Variants in PITRM1 observed in about 807,000 individuals in gnomAD.
The protein encoded by PITRM1 is presequence protease, mitochondrial.
PITRM1 carries 100 observed loss-of-function variants against 129.9 expected under a neutral mutation model. That is an observed-to-expected ratio of 0.77 (90% confidence interval 0.65 to 0.91). The LOEUF (loss-of-function observed/expected upper bound fraction) is 0.91, where lower values mean the gene tolerates loss of function less well. PITRM1 is among the 40% of genes least tolerant of loss of function. The probability of loss-of-function intolerance (pLI) is 0.00; values close to 1 mark genes in which losing one functional copy is unlikely to be tolerated. For synonymous variants in PITRM1, 591 were observed against 508.8 expected, an observed-to-expected ratio of 1.16 and a Z score of -2.17; for missense variants, 1,471 against 1,318.3, an observed-to-expected ratio of 1.12 and a Z score of -1.79.
intron 1 of PITRM1, among the ~76,000 whole-genome samples, chr10:3,171,100 G>A (rs1489718223): frequency 7.6e-6 from 1 of 132,238 alleles, no homozygotes; most frequent in Non-Finnish European, 1.6e-5. Flanking sequence ...AACTCACCCG[G>A]AGGTGTATCG....
At position 3,163,889 on chromosome 10, in the gene PITRM1, G is replaced by T; in HGVS notation, c.631-4C>A. On this transcript the variant is annotated splice_region_variant and splice_polypyrimidine_tract_variant and intron_variant, in intron 6 of 26. Coordinates refer to ENST00000224949, the MANE Select transcript of PITRM1 (RefSeq NM_014889.4). ...AGAATATCCTCTCATTGTCTGTCTTGAAACGTAAAATAAATAAATCATAAG... is the reference window on the plus strand; with the variant it reads ...AGAATATCCTCTCATTGTCTGTCTTTAAACGTAAAATAAATAAATCATAAG... 1 of 1,583,980 alleles carries T rather than the reference G, an allele frequency of 6.3e-7. No individual in the cohort carries two copies. The highest frequency in any genetic ancestry group is 8.6e-7 in the Non-Finnish European group (1 of 1,161,650).
In PITRM1 at chr10:3,141,067, G is replaced by T. The variant is rs541501802; in HGVS notation, c.2646-255C>A. Among the ~76,000 whole-genome samples the T allele has an allele frequency of 2.0e-5, 3 of 152,046 alleles. No individual in the cohort carries two copies. In the East Asian group the frequency reaches 5.8e-4, roughly 29 times the overall value. On this transcript the variant is annotated intron_variant, in intron 23 of 26. Transcript: ENST00000224949. Reference sequence around the variant, plus strand: ...AGGGATCCTCCCACAACAGCCTCCTGAGTAGCTGGGCCTACAGGTGTGTGC... The same window carrying T: ...AGGGATCCTCCCACAACAGCCTCCTTAGTAGCTGGGCCTACAGGTGTGTGC...
intron 24 of PITRM1, among the ~76,000 whole-genome samples, 164 bp from the exon 25 acceptor site, chr10:3,139,213 A>C (rs1839934960): frequency 6.6e-6 from 1 of 152,174 alleles, no homozygotes; most frequent in African/African-American, 2.4e-5. Flanking sequence ...ATTACTCTCA[A>C]TGGAAATTTA....
rs375092604 is a variant in PITRM1 at position 3,147,677 on chromosome 10, G to A, written c.2130C>T (p.Leu710=). 18 of 1,613,594 alleles carry A rather than the reference G, an allele frequency of 1.1e-5. No individual in the cohort carries two copies. Among genetic ancestry groups the A allele is most frequent in the African/African-American group, 2.7e-5 (2 of 75,028 alleles). Residue 710 remains leucine (L), a synonymous_variant, in exon 19 of 27, where the codon CTC becomes CTT. Transcript: ENST00000224949. ...GCCCAGAGTCAGGAATTCCATTGGCGAGCTCCTGGGCGGTCATCTTCACCA... is the reference window on the plus strand; with the variant it reads ...GCCCAGAGTCAGGAATTCCATTGGCAAGCTCCTGGGCGGTCATCTTCACCA... The part of the protein sequence containing the change: ...KVLVKMTAQE[L]ANGIPDSGHL...
chr10:3,159,108 GCACATTTTATTTAAAAC>G, intron 9 of PITRM1, 66 bp from the exon 10 acceptor site: 2 of 1,374,652 alleles, frequency 1.5e-6, no homozygotes, highest in Non-Finnish European at 2.0e-6. Context: ...TGGCCCTTAT[GCACATTTTATTTAAAAC>G]CACTACACAT....
rs998302501 is a variant in PITRM1, at chr10:3,172,743, C to A, written c.30G>T (p.Leu10=). 12 of 1,545,838 alleles carry A rather than the reference C, an allele frequency of 7.8e-6. No individual in the cohort carries two copies. The African/African-American group carries it at 1.2e-4, about 16-fold the overall frequency. Residue 10 remains leucine, a synonymous_variant, in exon 1 of 27, where the codon CTG becomes CTT. Coordinates refer to ENST00000224949, the MANE Select transcript of PITRM1 (RefSeq NM_014889.4). MWRCGGRQG[L]CVLRRLSGGH... ...CGCCGCTCAGCCGCCTCAGCACACA[C>A]AGGCCCTGCCGCCCGCCGCAGCGCC...
Position 3,165,075 on chromosome 10 carries a change from C to T in PITRM1, c.630+163G>A, listed in dbSNP as rs188352897. Among the ~76,000 whole-genome samples the T allele has an allele frequency of 1.4e-4, 22 of 152,322 alleles. No homozygotes were observed. In the East Asian group the frequency reaches 3.9e-3, roughly 27 times the overall value. On this transcript the variant is annotated intron_variant, in intron 6 of 26. Transcript: ENST00000224949. ...CCTGCTGGGAAGAACAGCAGCCTGG[C>T]CCTGCTACCCCGACTTCTGCTCACA...
chr10:3,138,427 TCTCA>T lies in PITRM1; in HGVS notation c.2918-94_2918-91del, dbSNP rs560285646. The T allele has an allele frequency of 7.6e-4, 639 of 835,652 alleles. 1 individual carries two copies. The highest frequency in any genetic ancestry group is 1.0e-3 in the Non-Finnish European group (516 of 492,436). The allele number at this position is 835,652 out of a possible 1,614,324, so 51.8% of individuals were successfully genotyped here. ...TCATGTCCCGGAGGGGACACAGGCA[TCTCA>T]CTGTCATTTCACGTGCATGTTTCAA... On this transcript the variant is annotated intron_variant, in intron 25 of 26. Transcript: ENST00000224949.
intron 2 of PITRM1, among the ~76,000 whole-genome samples, chr10:3,169,331 C>T (rs1843147111): frequency 1.3e-5 from 2 of 152,182 alleles, no homozygotes; most frequent in Non-Finnish European, 2.9e-5. Context: ...CGAAGGCAGC[C>T]ACGTTCTCAC....
In PITRM1 at chr10:3,168,914, CTACACACA is replaced by C. The variant is rs1237680219; in HGVS notation, c.159+1182_159+1189del. On this transcript the variant is annotated intron_variant, in intron 2 of 26. Coordinates refer to ENST00000224949, the MANE Select transcript of PITRM1 (RefSeq NM_014889.4). ...CCAGTCTAGGCAACAAAGTTTCCAT[CTACACACA>C]CACACACACACACACACACACACAC... is the stretch of plus-strand genomic sequence containing the variant. 1.3e-3 allele frequency among the ~76,000 whole-genome samples: 174 copies of C among 137,546 alleles called. 2 individuals carry two copies. The highest frequency in any genetic ancestry group is 4.3e-3 in the African/African-American group (159 of 36,748). 90.2% of individuals were successfully genotyped at this position (137,546 alleles called of 152,430 possible).
At chr10:3,148,932 G>A (rs543209828) in intron 16 of PITRM1, 1 of 152,446 alleles carries the variant, frequency 6.6e-6, no homozygotes, top group Admixed American at 6.5e-5. Flanking sequence ...TTTTCCATCT[G>A]AGCGGACCCT....
chr10:3,166,943 G>T lies in PITRM1; in HGVS notation c.259C>A (p.Leu87Met), dbSNP rs1246995217. Reference protein sequence around the residue: ...LHLAREDTNNLFSVQFRTTPM... With the variant: ...LHLAREDTNNMFSVQFRTTPM... ...TTACAATGCACCACACACCTGAACA[G>T]ATTATTCGTGTCTTCTCTGGCCAGG... Residue 87 changes from leucine (L) to methionine (M), a missense_variant, in exon 3 of 27, where the codon CTG (leucine) becomes ATG (methionine). Leu to Met is a conservative substitution (Grantham distance 15, BLOSUM62 2). Coordinates refer to ENST00000224949, the MANE Select transcript of PITRM1 (RefSeq NM_014889.4). 1.9e-6 allele frequency: 3 copies of T among 1,587,456 alleles called. No individual in the cohort carries two copies. The highest frequency in any genetic ancestry group is 2.2e-5 in the East Asian group (1 of 44,736).
intron 14 of PITRM1, 137 bp downstream of exon 14, chr10:3,155,440 TGAACTCAATGCATC>T: frequency 1.1e-6 from 1 of 874,906 alleles, no homozygotes; most frequent in Non-Finnish European, 1.8e-6. Context: ...TGAGAATATC[TGAACTCAATGCATC>T]GAACGTGAGC....
intron 2 of PITRM1, among the ~76,000 whole-genome samples, 157 bp from the exon 3 acceptor site, chr10:3,167,199 C>T (rs1842933184): frequency 6.6e-6 from 1 of 152,178 alleles, no homozygotes; most frequent in South Asian, 2.1e-4. Flanking sequence ...ACCATCTTGT[C>T]CAGGTCCCTT....
chr10:3,147,594 T>C lies in PITRM1; in HGVS notation c.2213A>G (p.Glu738Gly). The C allele has an allele frequency of 6.2e-7, 1 of 1,614,056 alleles. No homozygotes were observed. The highest frequency in any genetic ancestry group is 8.5e-7 in the Non-Finnish European group (1 of 1,179,888). Residue 738 changes from glutamate (E) to glycine (G), a missense_variant, in exon 19 of 27, where the codon GAG becomes GGG. By Grantham distance (98) the Glu-to-Gly change is moderately conservative. Transcript: ENST00000224949. ...CACCTGATCCATCCCGCTGAAGGTC[T>C]CCTGCAGGTCCCCTGCGGGCGTGAG... is the stretch of plus-strand genomic sequence containing the variant. The part of the protein sequence containing the change: ...RTLTPAGDLQ[E>G]TFSGMDQVRL...
rs375154884 is a variant in PITRM1, at chr10:3,147,605, C to T, written c.2202G>A (p.Gly734=). 114 of 1,613,910 alleles carry T rather than the reference C, an allele frequency of 7.1e-5. No homozygotes were observed. Among genetic ancestry groups the T allele is most frequent in the Non-Finnish European group, 9.2e-5 (108 of 1,179,896 alleles). The change falls in exon 19 of 27, where the codon GGG becomes GGA. Residue 734 remains glycine (G), a synonymous_variant. Coordinates refer to ENST00000224949, the MANE Select transcript of PITRM1 (RefSeq NM_014889.4). ...TCCCGCTGAAGGTCTCCTGCAGGTC[C>T]CCTGCGGGCGTGAGGGTCCGGCCTG... The part of the protein sequence containing the change: ...IRAGRTLTPA[G]DLQETFSGMD...
chr10:3,148,165 G>A lies in PITRM1; in HGVS notation c.1992+6C>T. ...CCGCAGCAGTCGTCTGACGGTACCA[G>A]GCTACCTGCTCGTAGGTGTCCATGT... On this transcript the variant is annotated splice_donor_region_variant and intron_variant, in intron 17 of 26. Coordinates refer to ENST00000224949, the MANE Select transcript of PITRM1 (RefSeq NM_014889.4). 6.2e-7 allele frequency: 1 copy of A among 1,613,942 alleles called. No individual in the cohort carries two copies. The highest frequency in any genetic ancestry group is 2.2e-5 in the East Asian group (1 of 44,874).
intron 20 of PITRM1, 117 bp from the exon 21 acceptor site, chr10:3,145,833 T>A: frequency 1.2e-6 from 1 of 824,008 alleles, no homozygotes; most frequent in Non-Finnish European, 1.9e-6. Context: ...TTCAGAGTGT[T>A]AAACAGCAGC....
intron 2 of PITRM1, chr10:3,168,064 C>A (rs865921172): frequency 6.6e-6 from 1 of 152,394 alleles, no homozygotes; most frequent in African/African-American, 2.4e-5. Flanking sequence ...CTCAATCACA[C>A]ACCACGTCCC....
Sources: gnomAD v4.1 joint callset for allele counts (sites outside exome capture counted in the v4.1 genomes callset) on GRCh38, gnomAD v4.1.1 for gene constraint, MANE v1.5 for transcripts, NCBI Gene and HGNC (gene_info 2026-07-23, HGNC 2026-07-21) for gene names.